Variants in ACSM6 observed in about 807,000 individuals in gnomAD.
ACSM6 encodes acyl-coenzyme A synthetase ACSM6, mitochondrial.
ACSM6 carries 35 observed loss-of-function variants against 51.1 expected under a neutral mutation model. That is an observed-to-expected ratio of 0.69 (90% CI 0.52 to 0.91). The LOEUF (loss-of-function observed/expected upper bound fraction) is 0.91, where lower values mean the gene tolerates loss of function less well. Ranked by LOEUF, ACSM6 falls within the 40% of genes least tolerant of loss-of-function variation. The probability of loss-of-function intolerance (pLI) is 0.00; values close to 1 mark genes in which losing one functional copy is unlikely to be tolerated. For synonymous variants in ACSM6, 172 were observed against 207.3 expected, an observed-to-expected ratio of 0.83 and a Z score of 1.46; for missense variants, 509 against 584.1, an observed-to-expected ratio of 0.87 and a Z score of 1.32.
intron 2 of ACSM6, among the ~76,000 whole-genome samples, chr10:95,196,056 T>C (rs532414287): frequency 1.3e-4 from 19 of 150,914 alleles, no homozygotes; most frequent in African/African-American, 4.4e-4. Context: ...CTCCTCTGCT[T>C]TTCTTAGCTT....
intron 2 of ACSM6, among the ~76,000 whole-genome samples, chr10:95,197,793 C>T (rs1410347853): frequency 6.6e-6 from 1 of 152,200 alleles, no homozygotes; most frequent in Non-Finnish European, 1.5e-5. Context: ...GGCTGGGGGA[C>T]AGTCAGGTCT....
chr10:95,228,600 G>A (rs1197974322), intron 10 of ACSM6, 44 bp from the exon 11 acceptor site: 58 of 1,535,338 alleles, frequency 3.8e-5, no homozygotes, highest in Non-Finnish European at 4.4e-5. Flanking sequence ...AAATGATTGT[G>A]AGAGGGAAGT....
chr10:95,218,113 T>C (rs534574121), intron 8 of ACSM6, among the ~76,000 whole-genome samples: 2 of 152,370 alleles, frequency 1.3e-5, no homozygotes, highest in South Asian at 2.1e-4. Context: ...TGGCTTTATC[T>C]TTCTTTTTAT....
intron 8 of ACSM6, among the ~76,000 whole-genome samples, chr10:95,216,505 ATGC>A (rs1226916935): frequency 3.9e-5 from 6 of 152,326 alleles, no homozygotes; most frequent in African/African-American, 1.4e-4. Flanking sequence ...AATGAACCTC[ATGC>A]TGAAGGCCTT....
Position 95,226,854 on chromosome 10 carries a change from G to T in ACSM6, c.1302+1463G>T, listed in dbSNP as rs576591203. Among the ~76,000 whole-genome samples, 7 of 152,180 alleles carry T rather than the reference G, an allele frequency of 4.6e-5. No homozygotes were observed. The East Asian group carries it at 1.3e-3, about 29-fold the overall frequency. On this transcript the variant is annotated intron_variant, in intron 10 of 10. Transcript: ENST00000341686. Reference sequence around the variant, plus strand: ...CCATTCTTAGCCACTATTAACATTTGATGTGTATATATCCTTCATTCTTTT... The same window carrying T: ...CCATTCTTAGCCACTATTAACATTTTATGTGTATATATCCTTCATTCTTTT...
exon 4 of ACSM6, chr10:95,207,245 C>G: frequency 6.2e-7 from 1 of 1,614,106 alleles, no homozygotes; most frequent in African/African-American, 1.3e-5. Flanking sequence ...AGCTGACTGC[C>G]AAGAAAATTC....
At chr10:95,198,241 A>C (rs951245633) in intron 2 of ACSM6, among the ~76,000 whole-genome samples, 1 of 152,108 alleles carries the variant, frequency 6.6e-6, no homozygotes, top group African/African-American at 2.4e-5. Context: ...TAAAAAAAAA[A>C]CCAGGAAGCC....
intron 3 of ACSM6, among the ~76,000 whole-genome samples, chr10:95,203,448 CACAAA>C (rs1392554062): frequency 6.6e-6 from 1 of 152,138 alleles, no homozygotes; most frequent in Non-Finnish European, 1.5e-5. Context: ...AATTGTCTCC[CACAAA>C]ACCCAGGTGC....
intron 2 of ACSM6, among the ~76,000 whole-genome samples, chr10:95,198,531 G>A (rs1416009513): frequency 6.6e-6 from 1 of 151,972 alleles, no homozygotes; most frequent in Non-Finnish European, 1.5e-5. Flanking sequence ...TGTGCCTGTA[G>A]TGCCAGGTAC....
intron 4 of ACSM6, among the ~76,000 whole-genome samples, chr10:95,209,592 G>A (rs909645893): frequency 1.9e-4 from 29 of 152,040 alleles, no homozygotes; most frequent in African/African-American, 7.0e-4. Flanking sequence ...AAACAAGCCA[G>A]GCAAATGAGG....
chr10:95,195,313 A>G (rs1216542896), intron 2 of ACSM6, among the ~76,000 whole-genome samples: 1 of 152,216 alleles, frequency 6.6e-6, no homozygotes, highest in Non-Finnish European at 1.5e-5. Context: ...ATCCTGAAGA[A>G]TGAGAAGAAT....
exon 10 of ACSM6, chr10:95,225,348 G>T: frequency 6.4e-7 from 1 of 1,551,474 alleles, no homozygotes; most frequent in Non-Finnish European, 8.7e-7. Flanking sequence ...ATTGCAATCC[G>T]CATAAAACTA....
chr10:95,207,262 A>G (rs549141460), exon 4 of ACSM6: 7 of 1,614,134 alleles, frequency 4.3e-6, no homozygotes, highest in South Asian at 2.2e-5. Context: ...ATTCGCTATC[A>G]ATTACGCATG....
At chr10:95,201,988 G>C (rs971253733) in exon 3 of ACSM6, 1 of 1,551,256 alleles carries the variant, frequency 6.4e-7, no homozygotes, top group African/African-American at 1.4e-5. Context: ...TGCCTAGGAC[G>C]GACTCAGAGG....
At chr10:95,214,317 C>CACT (rs2034922540) in intron 7 of ACSM6, among the ~76,000 whole-genome samples, 1 of 152,230 alleles carries the variant, frequency 6.6e-6, no homozygotes, top group African/African-American at 2.4e-5. Context: ...GACCCTTCCA[C>CACT]TGGACATCAC....
At chr10:95,222,708 G>A (rs2035005118) in intron 9 of ACSM6, among the ~76,000 whole-genome samples, 1 of 151,938 alleles carries the variant, frequency 6.6e-6, no homozygotes, top group African/African-American at 2.4e-5. Flanking sequence ...AAACAGGAAG[G>A]TATCCACCAA....
intron 7 of ACSM6, among the ~76,000 whole-genome samples, chr10:95,214,188 T>A (rs1483158640): frequency 6.6e-6 from 1 of 152,230 alleles, no homozygotes; most frequent in African/African-American, 2.4e-5. Flanking sequence ...GCAGTTATTA[T>A]CTAATACAGA....
At chr10:95,194,622 C>T (rs1237248272) in exon 2 of ACSM6, 1 of 1,552,212 alleles carries the variant, frequency 6.4e-7, no homozygotes, top group South Asian at 1.2e-5. Flanking sequence ...CAAGCAGTTT[C>T]TCAGAACTTT....
chr10:95,202,334 C>T, intron 3 of ACSM6, 139 bp downstream of exon 3: 1 of 781,778 alleles, frequency 1.3e-6, no homozygotes, highest in Non-Finnish European at 2.1e-6. Context: ...TTTAAACAGG[C>T]CTAGATTTGA....
Sources: gnomAD v4.1 joint callset for allele counts (sites outside exome capture counted in the v4.1 genomes callset) on GRCh38, gnomAD v4.1.1 for gene constraint, MANE v1.5 for transcripts, NCBI Gene and HGNC (gene_info 2026-07-23, HGNC 2026-07-21) for gene names.